Variants in DPP10 observed in about 807,000 individuals in gnomAD.
DPP10 encodes the protein dipeptidyl peptidase like 10, also known as inactive dipeptidyl peptidase 10.
Under a neutral mutation model 120.9 loss-of-function variants are expected in DPP10, and 33 were observed. The observed-to-expected ratio is 0.27, with a 90% CI of 0.21 to 0.37. The LOEUF is 0.37. Among genes scored for constraint, DPP10 ranks in the 10% least tolerant of loss-of-function variants. The pLI is 1.00. For missense variants in DPP10, 816 were observed against 942.8 expected (o/e 0.87, Z 1.76); for synonymous variants, 337 against 326.1 (o/e 1.03, Z -0.36).
chr2:115,258,528 A>G (rs1364002408), intron 1 of DPP10, among the ~76,000 whole-genome samples: 1 of 152,224 alleles, frequency 6.6e-6, no homozygotes, highest in African/African-American at 2.4e-5. Flanking sequence ...TTATAATTAA[A>G]TTGAAAATCA....
At chr2:115,185,518 AATG>A (rs1274201573) in intron 1 of DPP10, among the ~76,000 whole-genome samples, 2 of 152,186 alleles carry the variant, frequency 1.3e-5, no homozygotes, top group Non-Finnish European at 2.9e-5. Flanking sequence ...TGTCCTAAAA[AATG>A]ATGAGTACTT....
At chr2:115,231,853 T>A (rs2057750194) in intron 1 of DPP10, among the ~76,000 whole-genome samples, 1 of 152,174 alleles carries the variant, frequency 6.6e-6, no homozygotes, top group African/African-American at 2.4e-5. Flanking sequence ...GGCCAGTACT[T>A]CTCACACCTT....
chr2:115,475,757 G>T (rs1022009051), intron 3 of DPP10, among the ~76,000 whole-genome samples: 2 of 152,182 alleles, frequency 1.3e-5, no homozygotes, highest in East Asian at 1.9e-4. Flanking sequence ...TTTTGCGTCA[G>T]TGTGACCTGG....
In DPP10 at chr2:114,463,846, C is replaced by T. The variant is rs56141587; in HGVS notation, c.60+21008C>T. ...TTCAAATCTCTGATCAGTTTTCTGT[C>T]CATGTATTTCTGCCTTTTCCAGAAT... On this transcript the variant is annotated intron_variant, in intron 1 of 25. Transcript: ENST00000410059. Among the ~76,000 whole-genome samples the T allele has an allele frequency of 1.6e-3, 243 of 152,286 alleles. 1 individual carries two copies. Among genetic ancestry groups the T allele is most frequent in the African/African-American group, 5.7e-3 (238 of 41,560 alleles).
At chr2:115,011,073 A>G (rs964938989) in intron 1 of DPP10, among the ~76,000 whole-genome samples, 1 of 152,192 alleles carries the variant, frequency 6.6e-6, no homozygotes, top group Admixed American at 6.5e-5. Context: ...TTTAGTTTCA[A>G]ATACTTGGGG....
intron 1 of DPP10, among the ~76,000 whole-genome samples, chr2:115,141,764 T>G (rs1369517236): frequency 1.3e-5 from 2 of 151,826 alleles, no homozygotes; most frequent in Non-Finnish European, 2.9e-5. Context: ...GGAAAGGAGG[T>G]TTTTTGTTTA....
chr2:114,637,414 G>A (rs1695380248), intron 1 of DPP10, among the ~76,000 whole-genome samples: 1 of 151,768 alleles, frequency 6.6e-6, no homozygotes, highest in African/African-American at 2.4e-5. Context: ...GGAACGACTG[G>A]GGCCCAGAAG....
At chr2:115,271,949 TTA>T (rs1322544206) in intron 1 of DPP10, among the ~76,000 whole-genome samples, 2 of 152,226 alleles carry the variant, frequency 1.3e-5, no homozygotes, top group Non-Finnish European at 2.9e-5. Context: ...GTGCAAAATG[TTA>T]TCTTAAAATC....
At chr2:114,472,490 T>C (rs1007181233) in intron 1 of DPP10, among the ~76,000 whole-genome samples, 2 of 152,218 alleles carry the variant, frequency 1.3e-5, no homozygotes, top group African/African-American at 2.4e-5. Flanking sequence ...CCTGGCAGCA[T>C]TGAGCTTTCT....
rs537820879 is a variant in DPP10 at position 115,331,632 on chromosome 2, A to G, written c.176-12185A>G. 3.3e-5 allele frequency among the ~76,000 whole-genome samples: 5 copies of G among 152,306 alleles called. No individual in the cohort carries two copies. In the South Asian group the frequency reaches 1.0e-3, roughly 32 times the overall value. On this transcript the variant is annotated intron_variant, in intron 2 of 25. Transcript: ENST00000410059. ...AATTTATTGAGAGTTTTTAGCCTGA[A>G]GTGCTGTTGAATTTTGTCAAAGGCC...
At chr2:114,651,818 A>G (rs1442208468) in intron 1 of DPP10, among the ~76,000 whole-genome samples, 1 of 152,210 alleles carries the variant, frequency 6.6e-6, no homozygotes, top group African/African-American at 2.4e-5. Flanking sequence ...ATGAGTAAGC[A>G]GAGTCATGAA....
rs1279614755 is a variant in DPP10, at chr2:115,713,109, A to AAGAAGT, written c.577-14702_577-14697dup. On this transcript the variant is annotated intron_variant, in intron 7 of 25. Coordinates refer to ENST00000410059, the MANE Select transcript of DPP10 (RefSeq NM_020868.6). Reference sequence around the variant, plus strand: ...CTCATATGAGAATGATTTTTTTATGAAGAAGTAGAAACGTTTTGATGTAAA... The same window carrying AAGAAGT: ...CTCATATGAGAATGATTTTTTTATGAAGAAGTAGAAGTAGAAACGTTTTGATGTAAA... Among the ~76,000 whole-genome samples the AAGAAGT allele has an allele frequency of 3.3e-5, 5 of 152,150 alleles. No individual in the cohort carries two copies. The South Asian group carries it at 8.3e-4, about 25-fold the overall frequency.
rs1190793748 is a variant in DPP10, at chr2:115,815,703, T to C, written c.1924T>C (p.Ser642Pro). 6.2e-7 allele frequency: 1 copy of C among 1,601,514 alleles called. No individual in the cohort carries two copies. The highest frequency in any genetic ancestry group is 8.5e-7 in the Non-Finnish European group (1 of 1,172,724). ...KFLLKLPYID[S>P]KRLSIFGKGY... Reference sequence around the variant, plus strand: ...TTTGCTGAAACTGCCTTACATTGACTCCAAAAGATTAAGCATTTTTGGAAA... The same window carrying C: ...TTTGCTGAAACTGCCTTACATTGACCCCAAAAGATTAAGCATTTTTGGAAA... Residue 642 changes from serine (S) to proline (P), a missense_variant, in exon 21 of 26, where the codon TCC becomes CCC. By Grantham distance (74) the Ser-to-Pro change is moderately conservative. Transcript: ENST00000410059.
intron 1 of DPP10, among the ~76,000 whole-genome samples, chr2:114,857,058 C>T (rs1689422165): frequency 6.6e-6 from 1 of 152,070 alleles, no homozygotes; most frequent in Non-Finnish European, 1.5e-5. Flanking sequence ...TCAGAGGTAA[C>T]AGTTCAGATC....
At chr2:115,332,996 T>C (rs988332225) in intron 2 of DPP10, among the ~76,000 whole-genome samples, 1 of 152,164 alleles carries the variant, frequency 6.6e-6, no homozygotes, top group Non-Finnish European at 1.5e-5. Context: ...TTCTGTCTCG[T>C]TGATCTGCCT....
At chr2:114,658,644 A>G (rs1170888612) in intron 1 of DPP10, among the ~76,000 whole-genome samples, 1 of 152,140 alleles carries the variant, frequency 6.6e-6, no homozygotes, top group Non-Finnish European at 1.5e-5. Flanking sequence ...CACATATAAG[A>G]CTGCAAAGCG....
intron 1 of DPP10, among the ~76,000 whole-genome samples, chr2:114,444,976 A>G (rs763934088): frequency 6.6e-6 from 1 of 152,198 alleles, no homozygotes; most frequent in Non-Finnish European, 1.5e-5. Context: ...CTCAATTATG[A>G]AACATTTATG....
At chr2:115,601,769 G>A (rs992569929) in intron 5 of DPP10, among the ~76,000 whole-genome samples, 5 of 152,046 alleles carry the variant, frequency 3.3e-5, no homozygotes, top group Admixed American at 2.6e-4. Flanking sequence ...CGCCTCCCGG[G>A]TTCAAGCGAT....
chr2:114,600,928 G>A (rs926231459), intron 1 of DPP10, among the ~76,000 whole-genome samples: 2 of 151,806 alleles, frequency 1.3e-5, no homozygotes, highest in African/African-American at 4.8e-5. Context: ...AGAAAGAGAG[G>A]AAGAAGAAAC....
Sources: allele counts gnomAD v4.1 joint callset (sites outside exome capture counted in the v4.1 genomes callset), GRCh38; gene constraint gnomAD v4.1.1; transcripts MANE v1.5; gene names NCBI Gene and HGNC (gene_info 2026-07-23, HGNC 2026-07-21).